Variants in DNAH6 observed in about 807,000 individuals in gnomAD.
DNAH6 encodes axonemal beta dynein heavy chain 6.
Under a neutral mutation model 491.4 loss-of-function variants are expected in DNAH6, and 340 were observed. The ratio of observed to expected loss-of-function variants is 0.69; its 90% CI spans 0.63 to 0.76. DNAH6 has a LOEUF of 0.76. DNAH6 is among the 30% of genes least tolerant of loss of function. DNAH6 has a pLI of 0.00. For missense variants in DNAH6, 4,443 were observed against 4,972.2 expected (o/e 0.89, Z 3.20); for synonymous variants, 1,603 against 1,686.1 (o/e 0.95, Z 1.21).
At chr2:84,589,036 T>G in intron 16 of DNAH6, 82 bp downstream of exon 16, 4 of 1,254,010 alleles carry the variant, frequency 3.2e-6, no homozygotes, top group Non-Finnish European at 3.2e-6. Flanking sequence ...ATAATGTAAC[T>G]GTAAACATTC....
intron 35 of DNAH6, 84 bp downstream of exon 35, chr2:84,654,866 G>A (rs1690794780): frequency 7.0e-7 from 1 of 1,432,510 alleles, no homozygotes; most frequent in South Asian, 1.3e-5. Flanking sequence ...ATAGGTTAAG[G>A]ACTCATGGTT....
At chr2:84,587,724 C>G (rs1383100183) in intron 15 of DNAH6, among the ~76,000 whole-genome samples, 1 of 152,182 alleles carries the variant, frequency 6.6e-6, no homozygotes, top group Non-Finnish European at 1.5e-5. Context: ...TCTAAACTTC[C>G]TATTGGGCGT....
chr2:84,741,973 C>T (rs1257558999), intron 62 of DNAH6, among the ~76,000 whole-genome samples: 1 of 152,232 alleles, frequency 6.6e-6, no homozygotes. Flanking sequence ...CATCTCCCAG[C>T]CCAGTCAGTT....
rs1348619502 is a variant in DNAH6, at chr2:84,705,551, A to G, written c.8531A>G (p.Tyr2844Cys). The change falls in exon 52 of 77, where the codon TAT becomes TGT. Residue 2844 changes from tyrosine to cysteine, a missense_variant. By Grantham distance (194) the Tyr-to-Cys change is radical (BLOSUM62 -2). Around this residue, in one of 3 missense-constraint regions of DNAH6, gnomAD observed 1,463 missense variants for 1,656.6 expected, o/e 0.88. Transcript: ENST00000389394. ...DSNFLKRLLEYDKENIKPQIL... is the reference protein window; with the variant it reads ...DSNFLKRLLECDKENIKPQIL... ...AACTTTCTAAAAAGGCTTTTAGAATATGATAAGGAGAACATAAAGCCTCAG... is the reference window on the plus strand; with the variant it reads ...AACTTTCTAAAAAGGCTTTTAGAATGTGATAAGGAGAACATAAAGCCTCAG... 1 of 1,551,582 alleles carries G rather than the reference A, an allele frequency of 6.4e-7. No homozygotes were observed. Among genetic ancestry groups the G allele is most frequent in the Non-Finnish European group, 8.7e-7 (1 of 1,146,888 alleles).
Position 84,614,697 on chromosome 2 carries a change from T to C in DNAH6, c.3476-2189T>C, listed in dbSNP as rs560381732. 8.0e-4 allele frequency among the ~76,000 whole-genome samples: 121 copies of C among 151,826 alleles called. 1 individual carries two copies. The highest frequency in any genetic ancestry group is 3.4e-3 in the Middle Eastern group (1 of 290). On this transcript the variant is annotated intron_variant, in intron 22 of 76. Transcript: ENST00000389394. ...TCCACCACATCCACACCAACATCTA[T>C]TATTTTTTTTATTATAGCCATTCTT...
intron 68 of DNAH6, among the ~76,000 whole-genome samples, chr2:84,795,817 C>G (rs902496481): frequency 2.6e-5 from 4 of 152,088 alleles, no homozygotes; most frequent in Non-Finnish European, 5.9e-5. Flanking sequence ...GTGAATTGTC[C>G]CTTTTGCTTT....
chr2:84,478,745 C>T, the DNAH6 span, among the ~76,000 whole-genome samples: 7 of 152,294 alleles, frequency 4.6e-5, no homozygotes, highest in South Asian at 2.1e-4. Flanking sequence ...GGCCCAACAA[C>T]AATCTTGGCC....
chr2:84,745,838 G>T (rs769041849), intron 63 of DNAH6, among the ~76,000 whole-genome samples: 5 of 152,110 alleles, frequency 3.3e-5, no homozygotes, highest in South Asian at 2.1e-4. Flanking sequence ...GGAAGCTTTA[G>T]AAGGGAAGTA....
intron 2 of DNAH6, among the ~76,000 whole-genome samples, chr2:84,524,067 T>C (rs1676386575): frequency 6.6e-6 from 1 of 152,070 alleles, no homozygotes; most frequent in Non-Finnish European, 1.5e-5. Context: ...CCAACTATTG[T>C]TCTTTGGGAG....
chr2:84,724,729 T>C lies in DNAH6; in HGVS notation c.9972+1925T>C, dbSNP rs149284821. Among the ~76,000 whole-genome samples the C allele has an allele frequency of 2.5e-3, 384 of 152,270 alleles. 1 individual carries two copies. The highest frequency in any genetic ancestry group is 8.7e-3 in the African/African-American group (362 of 41,564). On this transcript the variant is annotated intron_variant, in intron 60 of 76. Coordinates refer to ENST00000389394, the MANE Select transcript of DNAH6 (RefSeq NM_001370.2). ...TCATGGCACCTGCCATGGCCTCTCCTTGTGGCGTGGGCTTCTCACTACAGG... is the reference window on the plus strand; with the variant it reads ...TCATGGCACCTGCCATGGCCTCTCCCTGTGGCGTGGGCTTCTCACTACAGG...
chr2:84,798,275 C>T (rs749176586), intron 70 of DNAH6, among the ~76,000 whole-genome samples: 11 of 152,080 alleles, frequency 7.2e-5, no homozygotes, highest in Non-Finnish European at 1.0e-4. Flanking sequence ...TCACCAGGCA[C>T]CAGAAGCAAC....
chr2:84,585,436 G>A (rs981312074), intron 15 of DNAH6, among the ~76,000 whole-genome samples: 2 of 152,160 alleles, frequency 1.3e-5, no homozygotes, highest in East Asian at 1.9e-4. Flanking sequence ...ATGAAGAGGA[G>A]CTTTATTCAG....
Position 84,583,244 on chromosome 2 carries a change from A to G in DNAH6, c.2230-755A>G, listed in dbSNP as rs1028246464. On this transcript the variant is annotated intron_variant, in intron 14 of 76. Transcript: ENST00000389394. ...ACCTATGCAGCCAAGTCCACAGCCT[A>G]TCGATCCCTCGGGCTGCTCTGGGAT... 7.9e-5 allele frequency among the ~76,000 whole-genome samples: 12 copies of G among 152,212 alleles called. 1 individual carries two copies. Among genetic ancestry groups the G allele is most frequent in the African/African-American group, 2.9e-4 (12 of 41,452 alleles).
intron 2 of DNAH6, among the ~76,000 whole-genome samples, chr2:84,521,545 C>T (rs1676146584): frequency 6.6e-6 from 1 of 152,066 alleles, no homozygotes; most frequent in South Asian, 2.1e-4. Context: ...GAAATCTTTG[C>T]CAATTCCTAC....
At chr2:84,539,586 G>A (rs1678037058) in intron 4 of DNAH6, among the ~76,000 whole-genome samples, 2 of 152,028 alleles carry the variant, frequency 1.3e-5, no homozygotes, top group Non-Finnish European at 2.9e-5. Flanking sequence ...TGGACCTACA[G>A]CAGCATTTCT....
At chr2:84,763,070 A>G (rs1674742475) in intron 64 of DNAH6, 125 bp downstream of exon 64, 1 of 700,650 alleles carries the variant, frequency 1.4e-6, no homozygotes, top group Admixed American at 3.1e-5. Flanking sequence ...TACTACATAA[A>G]TTTAAGATAT....
chr2:84,517,775 T>C, intron 1 of DNAH6, 44 bp from the exon 2 acceptor site: 1 of 1,455,274 alleles, frequency 6.9e-7, no homozygotes, highest in Non-Finnish European at 9.3e-7. Context: ...CCCAATCCTT[T>C]TGATCTACTT....
intron 33 of DNAH6, among the ~76,000 whole-genome samples, chr2:84,643,898 G>GTGGTT (rs138750347): frequency 2.0e-5 from 3 of 148,538 alleles, no homozygotes; most frequent in Admixed American, 6.7e-5. Context: ...TTCAAATTGT[G>GTGGTT]TTTTTTTTTG....
chr2:84,527,658 T>C (rs1023889392), intron 3 of DNAH6, among the ~76,000 whole-genome samples: 1 of 152,318 alleles, frequency 6.6e-6, no homozygotes, highest in Admixed American at 6.5e-5. Context: ...CTGCCATCCC[T>C]GGCCAAGAAG....
Sources: allele counts gnomAD v4.1 joint callset (sites outside exome capture counted in the v4.1 genomes callset), GRCh38; gene constraint gnomAD v4.1.1; regional missense constraint gnomAD v4.1.1; transcripts MANE v1.5; gene names NCBI Gene and HGNC (gene_info 2026-07-23, HGNC 2026-07-21).